PRR16: variants seen among roughly 807,000 people sequenced by gnomAD.
PRR16 encodes the protein proline rich 16, also known as protein Largen.
Under a neutral mutation model 18.2 loss-of-function variants are expected in PRR16, and 6 were observed. The ratio of observed to expected loss-of-function variants is 0.33; its 90% CI spans 0.18 to 0.65. The LOEUF (loss-of-function observed/expected upper bound fraction) is 0.65. Ranked by LOEUF, PRR16 falls within the 30% of genes least tolerant of loss-of-function variation. The pLI is 0.74. For synonymous variants in PRR16, 151 were observed against 147.8 expected, an observed-to-expected ratio of 1.02 and a Z score of -0.16; for missense variants, 412 against 376.6, an observed-to-expected ratio of 1.09 and a Z score of -0.78.
chr5:120,541,772 C>T (rs1741964377), intron 1 of PRR16, among the ~76,000 whole-genome samples: 2 of 152,074 alleles, frequency 1.3e-5, no homozygotes, highest in South Asian at 4.1e-4. Context: ...GCCAGTATAA[C>T]TGGGGTCATA....
At chr5:120,680,774 A>G (rs1756945546) in intron 1 of PRR16, among the ~76,000 whole-genome samples, 1 of 152,194 alleles carries the variant, frequency 6.6e-6, no homozygotes, top group Non-Finnish European at 1.5e-5. Context: ...TCAAGTTTGC[A>G]TGACCTCAAT....
intron 1 of PRR16, among the ~76,000 whole-genome samples, chr5:120,620,248 A>T (rs1232134231): frequency 6.6e-6 from 1 of 152,164 alleles, no homozygotes; most frequent in East Asian, 1.9e-4. Context: ...ACGAAGAGTG[A>T]CCTTGAATAT....
intron 1 of PRR16, among the ~76,000 whole-genome samples, chr5:120,516,401 G>C (rs1203638761): frequency 2.0e-5 from 3 of 146,722 alleles, no homozygotes; most frequent in Non-Finnish European, 4.5e-5. Context: ...TCCAGCCTGG[G>C]TGACAGGGTG....
intron 1 of PRR16, among the ~76,000 whole-genome samples, chr5:120,602,999 C>T (rs887484755): frequency 3.9e-5 from 6 of 151,992 alleles, no homozygotes; most frequent in African/African-American, 1.4e-4. Context: ...CATCTATGTT[C>T]ATTAGGAATA....
chr5:120,732,973 A>G, the PRR16 span, among the ~76,000 whole-genome samples: 4 of 152,152 alleles, frequency 2.6e-5, no homozygotes, highest in African/African-American at 9.7e-5. Flanking sequence ...GTAAAGCTAT[A>G]TGTTTGTTGA....
At chr5:120,744,652 T>G in the PRR16 span, among the ~76,000 whole-genome samples, 1 of 152,242 alleles carries the variant, frequency 6.6e-6, no homozygotes, top group African/African-American at 2.4e-5. Flanking sequence ...AAAATAGAGC[T>G]CATGACATTT....
the PRR16 span, among the ~76,000 whole-genome samples, chr5:120,728,671 CT>C: frequency 1.3e-5 from 2 of 152,164 alleles, no homozygotes; most frequent in Non-Finnish European, 2.9e-5. Context: ...CAGCGAAATG[CT>C]TCATCTGTCT....
the PRR16 span, among the ~76,000 whole-genome samples, chr5:120,761,595 T>G: frequency 2.2e-4 from 33 of 152,270 alleles, no homozygotes; most frequent in African/African-American, 7.9e-4. Context: ...TTATCTTTTT[T>G]TATCAGTACA....
chr5:120,694,105 G>A, the PRR16 span, among the ~76,000 whole-genome samples: 1 of 152,170 alleles, frequency 6.6e-6, no homozygotes, highest in Non-Finnish European at 1.5e-5. Context: ...AAAATACTAA[G>A]AGTAAAACCT....
chr5:120,649,646 A>G (rs1373315786), intron 1 of PRR16, among the ~76,000 whole-genome samples: 2 of 152,174 alleles, frequency 1.3e-5, no homozygotes, highest in South Asian at 2.1e-4. Flanking sequence ...ATAATTTGCA[A>G]TATAATATGG....
intron 1 of PRR16, among the ~76,000 whole-genome samples, chr5:120,519,972 T>C (rs1751120066): frequency 6.6e-6 from 1 of 152,114 alleles, no homozygotes; most frequent in Non-Finnish European, 1.5e-5. Flanking sequence ...ATCCATACAC[T>C]CATTTCTTCA....
At chr5:120,503,589 A>G (rs1344116186) in intron 1 of PRR16, among the ~76,000 whole-genome samples, 1 of 152,130 alleles carries the variant, frequency 6.6e-6, no homozygotes, top group Non-Finnish European at 1.5e-5. Context: ...TAGGAGTTAC[A>G]CTTCTTTAGG....
At chr5:120,611,775 G>A (rs1754341219) in intron 1 of PRR16, among the ~76,000 whole-genome samples, 2 of 152,222 alleles carry the variant, frequency 1.3e-5, no homozygotes, top group Admixed American at 1.3e-4. Flanking sequence ...AAAATGTGGA[G>A]TTGGAGCCCC....
the PRR16 span, among the ~76,000 whole-genome samples, chr5:120,699,606 G>A: frequency 2.0e-5 from 3 of 152,224 alleles, no homozygotes; most frequent in Non-Finnish European, 2.9e-5. Context: ...TATGAGAACT[G>A]TAGAGAGTGA....
intron 1 of PRR16, among the ~76,000 whole-genome samples, chr5:120,592,262 G>A (rs542525981): frequency 1.2e-4 from 18 of 152,150 alleles, no homozygotes; most frequent in Admixed American, 3.9e-4. Flanking sequence ...TAAAATACTC[G>A]ACTTATTAAC....
the PRR16 span, among the ~76,000 whole-genome samples, chr5:120,693,636 C>G: frequency 1.3e-5 from 2 of 152,160 alleles, no homozygotes; most frequent in Admixed American, 1.3e-4. Context: ...TTGGTGCTAA[C>G]TAGACTATGT....
At chr5:120,750,512 C>G in the PRR16 span, among the ~76,000 whole-genome samples, 1 of 151,166 alleles carries the variant, frequency 6.6e-6, no homozygotes, top group Non-Finnish European at 1.5e-5. Context: ...AAAAACAAAA[C>G]AAAAATTAGC....
intron 1 of PRR16, among the ~76,000 whole-genome samples, chr5:120,564,628 G>A (rs981436735): frequency 6.6e-6 from 1 of 152,256 alleles, no homozygotes; most frequent in Non-Finnish European, 1.5e-5. Context: ...CCACTATTGG[G>A]GGGTGGAAAG....
In PRR16 at chr5:120,524,224, A is replaced by G. The variant is rs545487642; in HGVS notation, c.159+59579A>G. Among the ~76,000 whole-genome samples, 4 of 152,300 alleles carry G rather than the reference A, an allele frequency of 2.6e-5. No homozygotes were observed. In the South Asian group the frequency reaches 6.2e-4, roughly 24 times the overall value. On this transcript the variant is annotated intron_variant, in intron 1 of 1. Transcript: ENST00000407149. ...ATCTTTCTGCAGGATATAGTTTTTA[A>G]TATCTTCCCAAAATGTTCTTACAGA... is the stretch of plus-strand genomic sequence containing the variant.
Sources: gnomAD v4.1 joint callset for allele counts (sites outside exome capture counted in the v4.1 genomes callset) on GRCh38, gnomAD v4.1.1 for gene constraint, MANE v1.5 for transcripts, NCBI Gene and HGNC (gene_info 2026-07-23, HGNC 2026-07-21) for gene names.